Variants in RCOR1 observed in about 807,000 individuals in gnomAD.
RCOR1 encodes the protein REST corepressor.
In RCOR1, 12 loss-of-function variants were observed where a neutral mutation model predicts 64.0. The observed-to-expected ratio is 0.19, with a 90% CI of 0.12 to 0.30. RCOR1 has a LOEUF of 0.30. Ranked by LOEUF, RCOR1 falls within the 10% of genes least tolerant of loss-of-function variation. The pLI is 1.00. For missense variants in RCOR1, 502 were observed against 621.2 expected, an observed-to-expected ratio of 0.81 and a Z score of 2.04; for synonymous variants, 279 against 227.2, an observed-to-expected ratio of 1.23 and a Z score of -2.05.
chr14:102,686,442 A>G (rs1895421331), intron 3 of RCOR1, among the ~76,000 whole-genome samples: 1 of 152,178 alleles, frequency 6.6e-6, no homozygotes, highest in South Asian at 2.1e-4. Flanking sequence ...GCCTACAGTG[A>G]CACATTCTTA....
At position 102,718,342 on chromosome 14, in the gene RCOR1, G is replaced by A. The variant is rs551976971; in HGVS notation, c.1054-2665G>A. On this transcript the variant is annotated intron_variant, in intron 8 of 11. Coordinates refer to ENST00000262241, the MANE Select transcript of RCOR1 (RefSeq NM_015156.4). Reference sequence around the variant, plus strand: ...TAGCAGGACAAGCAAAAGCCTTACCGGAAGCTCCTTAGCTGAATTCTGTGT... The same window carrying A: ...TAGCAGGACAAGCAAAAGCCTTACCAGAAGCTCCTTAGCTGAATTCTGTGT... Among the ~76,000 whole-genome samples the A allele has an allele frequency of 2.6e-5, 4 of 152,278 alleles. No individual in the cohort carries two copies. The South Asian group carries it at 6.2e-4, about 24-fold the overall frequency.
At chr14:102,624,624 G>C (rs773068672) in intron 2 of RCOR1, among the ~76,000 whole-genome samples, 6 of 152,110 alleles carry the variant, frequency 3.9e-5, no homozygotes, top group South Asian at 4.2e-4. Flanking sequence ...AAATTAGCCA[G>C]GTGTGATGGT....
intron 11 of RCOR1, among the ~76,000 whole-genome samples, chr14:102,723,000 G>T (rs1414062700): frequency 1.3e-5 from 2 of 152,158 alleles, no homozygotes; most frequent in African/African-American, 2.4e-5. Flanking sequence ...GGTCTCATCT[G>T]TCACCTCCCT....
intron 4 of RCOR1, among the ~76,000 whole-genome samples, chr14:102,703,665 T>G (rs1260321609): frequency 2.0e-5 from 3 of 151,830 alleles, no homozygotes; most frequent in Non-Finnish European, 4.4e-5. Flanking sequence ...TGCCGGAGAG[T>G]CTCTCTGAAG....
Position 102,707,381 on chromosome 14 carries a change from A to G in RCOR1, c.529A>G (p.Asn177Asp). 2 of 1,612,022 alleles carry G rather than the reference A, an allele frequency of 1.2e-6. No homozygotes were observed. Among genetic ancestry groups the G allele is most frequent in the South Asian group, 2.2e-5 (2 of 90,480 alleles). The change falls in exon 5 of 12, where the codon AAT becomes GAT. Residue 177 changes from asparagine (N) to aspartate (D), a missense_variant. Asn to Asp is a conservative substitution (Grantham distance 23). Transcript: ENST00000262241. ...TGGGATGCTCTTCTGGCATAAACAT[A>G]ATATCGAAAAGTCATTGGCTGATTT... ...ALGMLFWHKH[N>D]IEKSLADLPN...
chr14:102,710,926 G>T lies in RCOR1; in HGVS notation c.780-9G>T. Reference sequence around the variant, plus strand: ...AATAATCATTCAGTAACTTGTTCTTGTCTTCCAGCGAGGATGAACTGGAAG... The same window carrying T: ...AATAATCATTCAGTAACTTGTTCTTTTCTTCCAGCGAGGATGAACTGGAAG... On this transcript the variant is annotated splice_polypyrimidine_tract_variant and intron_variant, in intron 6 of 11. Transcript: ENST00000262241. The T allele has an allele frequency of 6.3e-7, 1 of 1,583,882 alleles. No individual in the cohort carries two copies. The highest frequency in any genetic ancestry group is 1.2e-5 in the South Asian group (1 of 86,274).
At chr14:102,607,923 G>T (rs1893547686) in intron 2 of RCOR1, among the ~76,000 whole-genome samples, 1 of 152,028 alleles carries the variant, frequency 6.6e-6, no homozygotes, top group Admixed American at 6.6e-5. Context: ...AGGTGTGGCG[G>T]TGCACGCCTC....
At chr14:102,649,339 G>A (rs1353080697) in intron 2 of RCOR1, among the ~76,000 whole-genome samples, 2 of 152,180 alleles carry the variant, frequency 1.3e-5, no homozygotes, top group Admixed American at 1.3e-4. Flanking sequence ...GTACACAGGG[G>A]CCTTAGGACC....
chr14:102,675,763 T>C (rs538582819), intron 2 of RCOR1, among the ~76,000 whole-genome samples: 1 of 152,314 alleles, frequency 6.6e-6, no homozygotes, highest in East Asian at 1.9e-4. Flanking sequence ...CTCCAAAAGC[T>C]ACCTCAGACT....
chr14:102,642,354 C>G (rs145852938), intron 2 of RCOR1, among the ~76,000 whole-genome samples: 132 of 152,246 alleles, frequency 8.7e-4, no homozygotes, highest in African/African-American at 3.2e-3. Flanking sequence ...GGTTAAGATT[C>G]TTGAGATTAT....
chr14:102,645,585 A>G (rs1401687024), intron 2 of RCOR1, among the ~76,000 whole-genome samples: 1 of 152,256 alleles, frequency 6.6e-6, no homozygotes, highest in Non-Finnish European at 1.5e-5. Flanking sequence ...AAGGCCTTGC[A>G]ATTTCCACCT....
rs533103381 is a variant in RCOR1, at chr14:102,712,675, T to C, written c.858+1662T>C. On this transcript the variant is annotated intron_variant, in intron 7 of 11. Coordinates refer to ENST00000262241, the MANE Select transcript of RCOR1 (RefSeq NM_015156.4). ...TACATTGTTAAGGCTTTTTTTTTTT[T>C]TTTTGGTTGTATATCACCAAATTGG... Among the ~76,000 whole-genome samples the C allele has an allele frequency of 7.9e-5, 12 of 151,888 alleles. No homozygotes were observed. The South Asian group carries it at 2.5e-3, about 32-fold the overall frequency.
intron 2 of RCOR1, among the ~76,000 whole-genome samples, chr14:102,681,015 G>T (rs547691014): frequency 2.0e-5 from 3 of 152,156 alleles, no homozygotes; most frequent in Admixed American, 2.0e-4. Context: ...TCCTCTTTAT[G>T]AAACCTAGAA....
chr14:102,675,328 A>G (rs1247847194), intron 2 of RCOR1, among the ~76,000 whole-genome samples: 4 of 152,276 alleles, frequency 2.6e-5, no homozygotes, highest in African/African-American at 9.6e-5. Context: ...AACCCTATAT[A>G]TATACTATGG....
intron 2 of RCOR1, among the ~76,000 whole-genome samples, chr14:102,636,463 T>C (rs1419942016): frequency 1.3e-5 from 2 of 151,922 alleles, no homozygotes; most frequent in African/African-American, 4.8e-5. Context: ...ATTTGTTTAC[T>C]AGAGATAGGG....
intron 2 of RCOR1, among the ~76,000 whole-genome samples, chr14:102,673,338 T>A (rs1426675560): frequency 6.6e-6 from 1 of 151,198 alleles, no homozygotes; most frequent in Non-Finnish European, 1.5e-5. Context: ...TCCCTGATTT[T>A]TTTTTTTTTT....
rs1284447222 is a variant in RCOR1, at chr14:102,696,831, T to A, written c.446-4447T>A. Among the ~76,000 whole-genome samples, 36 of 143,230 alleles carry A rather than the reference T, an allele frequency of 2.5e-4. No individual in the cohort carries two copies. In the South Asian group the frequency reaches 4.3e-3, roughly 17 times the overall value. 94.0% of individuals were successfully genotyped at this position (143,230 alleles called of 152,430 possible). On this transcript the variant is annotated intron_variant, in intron 3 of 11. Transcript: ENST00000262241. ...ATCTTTTTTTTTTTTTTTTTTTTTT[T>A]ATAAGGGTAGCTGGGAACACATTTT... is the stretch of plus-strand genomic sequence containing the variant.
Position 102,726,649 on chromosome 14 carries a change from G to A in RCOR1, c.*143G>A. 1 of 673,006 alleles carries A rather than the reference G, an allele frequency of 1.5e-6. No individual in the cohort carries two copies. The highest frequency in any genetic ancestry group is 2.5e-6 in the Non-Finnish European group (1 of 398,022). The allele number at this position is 673,006 out of a possible 1,614,324, so 41.7% of individuals were successfully genotyped here. On this transcript the variant is annotated 3_prime_UTR_variant, in exon 12 of 12. Coordinates refer to ENST00000262241, the MANE Select transcript of RCOR1 (RefSeq NM_015156.4). ...AAAAGGCATATACTTCCAGTCCTGT[G>A]CTCCATCTGCCTTAATTCTTTGCTC...
intron 2 of RCOR1, among the ~76,000 whole-genome samples, chr14:102,642,249 C>T (rs1051974336): frequency 1.7e-5 from 2 of 117,168 alleles, no homozygotes; most frequent in South Asian, 2.8e-4. Flanking sequence ...ACTTCTTTGA[C>T]GGTATTAACA....
Sources: allele counts gnomAD v4.1 joint callset (sites outside exome capture counted in the v4.1 genomes callset), GRCh38; gene constraint gnomAD v4.1.1; transcripts MANE v1.5; gene names NCBI Gene and HGNC (gene_info 2026-07-23, HGNC 2026-07-21).